Variants in ACO2 observed in about 807,000 individuals in gnomAD.
The protein encoded by ACO2 is aconitase 2.
ACO2 carries 31 observed loss-of-function variants against 84.5 expected under a neutral mutation model. That is an observed-to-expected ratio of 0.37 (90% CI 0.28 to 0.50). The LOEUF is 0.50. Among genes scored for constraint, ACO2 ranks in the 20% least tolerant of loss-of-function variants. The probability of loss-of-function intolerance (pLI) is 0.97; values close to 1 mark genes in which losing one functional copy is unlikely to be tolerated. For missense variants in ACO2, 685 were observed against 1,029.3 expected, an observed-to-expected ratio of 0.67 and a Z score of 4.58; for synonymous variants, 414 against 412.7, an observed-to-expected ratio of 1.00 and a Z score of -0.04.
chr22:41,518,910 C>T (rs2066497319), intron 8 of ACO2, among the ~76,000 whole-genome samples: 1 of 152,252 alleles, frequency 6.6e-6, no homozygotes, highest in Admixed American at 6.5e-5. Flanking sequence ...CGCACCACTG[C>T]ACTCCAGCCT....
intron 1 of ACO2, among the ~76,000 whole-genome samples, chr22:41,477,969 G>T (rs1030576114): frequency 1.3e-5 from 2 of 151,780 alleles, no homozygotes; most frequent in Non-Finnish European, 2.9e-5. Flanking sequence ...GGAGGCTGAG[G>T]CAGAAGAATC....
chr22:41,521,412 A>T (rs1390254116), intron 9 of ACO2: 2 of 152,216 alleles, frequency 1.3e-5, no homozygotes, highest in Non-Finnish European at 2.9e-5. Flanking sequence ...CTGCCACCTA[A>T]CAGCCACTAA....
rs777434258 is a variant in ACO2 at position 41,526,461 on chromosome 22, A to G, written c.1953+8A>G. 1 of 1,608,192 alleles carries G rather than the reference A, an allele frequency of 6.2e-7. No homozygotes were observed. The highest frequency in any genetic ancestry group is 1.1e-5 in the South Asian group (1 of 90,704). ...ACTGCCCGCTACTACAAGGTGGGTC[A>G]GAGTTGATAGGGGCAATGCCAGTGG... On this transcript the variant is annotated splice_region_variant and intron_variant, in intron 15 of 17. Transcript: ENST00000216254.
chr22:41,527,612 C>T, intron 16 of ACO2, 192 bp downstream of exon 16: 3 of 881,306 alleles, frequency 3.4e-6, no homozygotes, highest in East Asian at 5.3e-5. Flanking sequence ...TCCCGCAGGC[C>T]CTGCTTCCAG....
intron 11 of ACO2, 25 bp downstream of exon 11, chr22:41,523,303 A>G: frequency 6.3e-7 from 1 of 1,577,686 alleles, no homozygotes; most frequent in Non-Finnish European, 8.7e-7. Flanking sequence ...TTTTGACAAG[A>G]CAGCCCCTTG....
Position 41,520,200 on chromosome 22 carries a change from C to T in ACO2, c.1062C>T (p.Thr354=). The T allele has an allele frequency of 1.9e-6, 3 of 1,613,882 alleles. No individual in the cohort carries two copies. The highest frequency in any genetic ancestry group is 2.2e-5 in the East Asian group (1 of 44,870). The change falls in exon 9 of 18, where the codon ACC becomes ACT. Residue 354 remains threonine, a synonymous_variant. Coordinates refer to ENST00000216254, the MANE Select transcript of ACO2 (RefSeq NM_001098.3). ...ELKPHINGPF[T]PDLAHPVAEV... ...AGCCACACATCAATGGGCCCTTCAC[C>T]CCTGACCTGGCTCACCCTGTGGCAG...
chr22:41,520,490 G>C (rs767257068), intron 9 of ACO2, among the ~76,000 whole-genome samples: 2 of 152,100 alleles, frequency 1.3e-5, no homozygotes, highest in Non-Finnish European at 2.9e-5. Flanking sequence ...TGGATTACTT[G>C]AGTCTAGGGG....
intron 1 of ACO2, among the ~76,000 whole-genome samples, chr22:41,477,148 A>ATTTATTTG (rs1388653149): frequency 3.4e-5 from 5 of 148,208 alleles, no homozygotes; most frequent in Non-Finnish European, 7.5e-5. Flanking sequence ...TTATTTATTT[A>ATTTATTTG]TTTATTTATT....
Position 41,476,339 on chromosome 22 carries a change from G to A in ACO2, c.36+7157G>A, listed in dbSNP as rs930119201. Among the ~76,000 whole-genome samples the A allele has an allele frequency of 7.3e-5, 11 of 150,686 alleles. No homozygotes were observed. In the East Asian group the frequency reaches 2.2e-3, roughly 30 times the overall value. On this transcript the variant is annotated intron_variant, in intron 1 of 17. Transcript: ENST00000216254. ...GGAGAATCGTTTGAACCTGGGAGGC[G>A]GAGGTTGTACTGAGTTAAGATTGTG...
intron 1 of ACO2, among the ~76,000 whole-genome samples, chr22:41,484,515 G>T (rs1052058972): frequency 3.3e-5 from 5 of 152,062 alleles, no homozygotes; most frequent in African/African-American, 9.7e-5. Context: ...AATATATCTT[G>T]CTTTTTATAA....
At chr22:41,486,469 A>AT (rs1186941362) in intron 1 of ACO2, among the ~76,000 whole-genome samples, 1,250 of 104,488 alleles carry the variant, frequency 0.012, 10 homozygotes, top group East Asian at 0.028. Flanking sequence ...AACTTTTTGT[A>AT]TTTTTTTTTT....
At chr22:41,492,765 C>T (rs1257473112) in intron 1 of ACO2, among the ~76,000 whole-genome samples, 6 of 151,908 alleles carry the variant, frequency 3.9e-5, no homozygotes, top group Non-Finnish European at 7.4e-5. Context: ...AAGAGCTAAA[C>T]TCCATCTCAA....
chr22:41,494,223 C>A (rs977328517), intron 1 of ACO2, among the ~76,000 whole-genome samples: 3 of 152,096 alleles, frequency 2.0e-5, no homozygotes, highest in Non-Finnish European at 4.4e-5. Context: ...AATGACTTGT[C>A]TGGGGCAACA....
At chr22:41,509,872 C>T (rs1430839215) in intron 3 of ACO2, among the ~76,000 whole-genome samples, 1 of 133,738 alleles carries the variant, frequency 7.5e-6, no homozygotes, top group Non-Finnish European at 1.5e-5. Flanking sequence ...GGCTGGAGTG[C>T]AGTGACACAC....
intron 9 of ACO2, among the ~76,000 whole-genome samples, chr22:41,521,839 A>G (rs1326377448): frequency 6.6e-6 from 1 of 151,864 alleles, no homozygotes; most frequent in Non-Finnish European, 1.5e-5. Flanking sequence ...CAGTGGCACA[A>G]TCTCGGCTCA....
At chr22:41,492,759 G>A (rs879769897) in intron 1 of ACO2, among the ~76,000 whole-genome samples, 2 of 151,920 alleles carry the variant, frequency 1.3e-5, no homozygotes, top group African/African-American at 2.4e-5. Context: ...GGCAACAAGA[G>A]CTAAACTCCA....
rs140823998 is a variant in ACO2, at chr22:41,518,527, C to T, written c.987C>T (p.Asp329=). 707 of 1,613,902 alleles carry T rather than the reference C, an allele frequency of 4.4e-4. No individual in the cohort carries two copies. The highest frequency in any genetic ancestry group is 5.5e-4 in the Non-Finnish European group (647 of 1,179,860). The part of the protein sequence containing the change: ...ADEFKDHLVP[D]PGCHYDQLIE... ...AATTCAAGGATCACTTGGTGCCTGA[C>T]CCTGGCTGCCATTATGACCAACTAA... The change falls in exon 8 of 18, where the codon GAC becomes GAT. Residue 329 remains aspartate (D), a synonymous_variant. Coordinates refer to ENST00000216254, the MANE Select transcript of ACO2 (RefSeq NM_001098.3).
intron 2 of ACO2, among the ~76,000 whole-genome samples, chr22:41,500,176 C>T (rs1249628307): frequency 6.6e-6 from 1 of 152,130 alleles, no homozygotes; most frequent in Non-Finnish European, 1.5e-5. Context: ...TCGGCCTGCC[C>T]TCTGGAAGCC....
intron 4 of ACO2, among the ~76,000 whole-genome samples, chr22:41,514,756 G>A (rs1202968825): frequency 1.3e-5 from 2 of 152,250 alleles, no homozygotes; most frequent in Admixed American, 6.5e-5. Context: ...AGGGAGTACT[G>A]TGAAATGGGA....
Sources: allele counts gnomAD v4.1 joint callset (sites outside exome capture counted in the v4.1 genomes callset), GRCh38; gene constraint gnomAD v4.1.1; transcripts MANE v1.5; gene names NCBI Gene and HGNC (gene_info 2026-07-23, HGNC 2026-07-21).